Variants in MAN1A2 observed in about 807,000 individuals in gnomAD.
MAN1A2 encodes the protein mannosyl-oligosaccharide 1,2-alpha-mannosidase IB.
MAN1A2 carries 26 observed loss-of-function variants against 75.7 expected under a neutral mutation model. The observed-to-expected ratio is 0.34, with a 90% CI of 0.25 to 0.48. MAN1A2 has a LOEUF of 0.48. Ranked by LOEUF, MAN1A2 falls within the 20% of genes least tolerant of loss-of-function variation. The pLI is 0.99. For synonymous variants in MAN1A2, 247 were observed against 264.6 expected (o/e 0.93, Z 0.65); for missense variants, 562 against 775.5 (o/e 0.72, Z 3.27).
intron 1 of MAN1A2, among the ~76,000 whole-genome samples, chr1:117,379,752 G>A (rs1653270640): frequency 6.6e-6 from 1 of 152,028 alleles, no homozygotes; most frequent in Non-Finnish European, 1.5e-5. Flanking sequence ...TTTTGTCTGG[G>A]TTCTTTCACT....
intron 1 of MAN1A2, among the ~76,000 whole-genome samples, chr1:117,381,643 CAT>C (rs1204771857): frequency 2.0e-5 from 3 of 152,164 alleles, no homozygotes; most frequent in Non-Finnish European, 2.9e-5. Flanking sequence ...CCGCAGTAAA[CAT>C]ATGTGTGCAT....
At chr1:117,376,537 C>T (rs36043260) in intron 1 of MAN1A2, among the ~76,000 whole-genome samples, 2,743 of 152,336 alleles carry the variant, frequency 0.018, 43 homozygotes, top group Non-Finnish European at 0.03. Context: ...TAGTGTTTTT[C>T]CAACTACCTG....
chr1:117,452,544 A>C (rs1036234260), intron 6 of MAN1A2, among the ~76,000 whole-genome samples: 1 of 152,224 alleles, frequency 6.6e-6, no homozygotes, highest in African/African-American at 2.4e-5. Context: ...AGTGGTCTGT[A>C]TAGAAGATGA....
At chr1:117,427,861 T>A (rs1339524500) in intron 5 of MAN1A2, among the ~76,000 whole-genome samples, 1 of 152,164 alleles carries the variant, frequency 6.6e-6, no homozygotes, top group Admixed American at 6.5e-5. Flanking sequence ...ACCATAGCAT[T>A]TTATATTGGG....
intron 8 of MAN1A2, among the ~76,000 whole-genome samples, chr1:117,482,270 C>A (rs762806578): frequency 6.6e-6 from 1 of 151,944 alleles, no homozygotes; most frequent in Admixed American, 6.6e-5. Context: ...AATTCTAGTT[C>A]TAGATCACTG....
intron 12 of MAN1A2, among the ~76,000 whole-genome samples, chr1:117,510,290 G>A (rs1228306639): frequency 2.0e-5 from 3 of 151,982 alleles, no homozygotes; most frequent in African/African-American, 4.8e-5. Flanking sequence ...AATAAGCTGA[G>A]AGAGCGAACT....
chr1:117,519,655 A>G (rs1008543851), intron 12 of MAN1A2, among the ~76,000 whole-genome samples: 3 of 152,030 alleles, frequency 2.0e-5, no homozygotes, highest in Non-Finnish European at 2.9e-5. Context: ...GAACAGACCA[A>G]TAGAGAAGCA....
intron 8 of MAN1A2, among the ~76,000 whole-genome samples, chr1:117,467,951 C>T (rs572317668): frequency 6.6e-6 from 1 of 152,040 alleles, no homozygotes; most frequent in East Asian, 1.9e-4. Flanking sequence ...AATATATAAT[C>T]AGGAAAGCCT....
At chr1:117,379,966 G>A (rs1183291525) in intron 1 of MAN1A2, among the ~76,000 whole-genome samples, 2 of 151,994 alleles carry the variant, frequency 1.3e-5, no homozygotes, top group African/African-American at 4.8e-5. Flanking sequence ...GCCTATATTC[G>A]TTTTGAGTAC....
intron 1 of MAN1A2, among the ~76,000 whole-genome samples, chr1:117,381,013 T>G (rs1653316675): frequency 6.6e-6 from 1 of 152,184 alleles, no homozygotes; most frequent in African/African-American, 2.4e-5. Context: ...CTTCCCATTT[T>G]TGAGGTCTTC....
chr1:117,519,149 G>A (rs960660583), intron 12 of MAN1A2, among the ~76,000 whole-genome samples: 2 of 151,988 alleles, frequency 1.3e-5, no homozygotes, highest in African/African-American at 4.8e-5. Context: ...CAGCAGTAGT[G>A]ACACAACCTA....
intron 8 of MAN1A2, among the ~76,000 whole-genome samples, chr1:117,467,768 C>A (rs879580155): frequency 6.6e-6 from 1 of 151,842 alleles, no homozygotes; most frequent in Admixed American, 6.6e-5. Flanking sequence ...TAAATCTTTA[C>A]CCCTGTGAGT....
intron 5 of MAN1A2, among the ~76,000 whole-genome samples, chr1:117,433,126 A>G (rs1413978930): frequency 2.0e-5 from 3 of 151,980 alleles, no homozygotes; most frequent in Non-Finnish European, 4.4e-5. Context: ...ACACCCATTC[A>G]TGATTAAAAT....
chr1:117,489,490 G>T (rs1198486145), intron 8 of MAN1A2, among the ~76,000 whole-genome samples: 2 of 151,794 alleles, frequency 1.3e-5, no homozygotes, highest in African/African-American at 4.8e-5. Flanking sequence ...TTCTTTTTTT[G>T]TTGTGTGTAC....
chr1:117,451,321 C>T (rs1010792807), intron 6 of MAN1A2, among the ~76,000 whole-genome samples: 1 of 152,250 alleles, frequency 6.6e-6, no homozygotes, highest in African/African-American at 2.4e-5. Flanking sequence ...AATGCCTGTA[C>T]ACCCATTGTA....
intron 6 of MAN1A2, among the ~76,000 whole-genome samples, chr1:117,455,776 G>A (rs1305464131): frequency 6.6e-6 from 1 of 151,896 alleles, no homozygotes; most frequent in East Asian, 1.9e-4. Flanking sequence ...AGAGGTAGAG[G>A]GCTTAGAGAG....
At chr1:117,385,405 A>C (rs898948980) in intron 1 of MAN1A2, among the ~76,000 whole-genome samples, 6 of 152,184 alleles carry the variant, frequency 3.9e-5, no homozygotes, top group African/African-American at 1.2e-4. Flanking sequence ...AGTGCCTTCT[A>C]TCTGAATGTG....
intron 1 of MAN1A2, among the ~76,000 whole-genome samples, chr1:117,371,934 C>A (rs750824960): frequency 1.8e-4 from 28 of 151,666 alleles, no homozygotes; most frequent in Non-Finnish European, 3.2e-4. Context: ...CGGGGGCGGG[C>A]ATGTGCCACT....
intron 7 of MAN1A2, among the ~76,000 whole-genome samples, chr1:117,465,361 G>T (rs1649950754): frequency 6.6e-6 from 1 of 152,108 alleles, no homozygotes; most frequent in Non-Finnish European, 1.5e-5. Context: ...GTGGTCTATG[G>T]AATTTTTCAG....
Sources: allele counts gnomAD v4.1 joint callset (sites outside exome capture counted in the v4.1 genomes callset), GRCh38; gene constraint gnomAD v4.1.1; transcripts MANE v1.5; gene names NCBI Gene and HGNC (gene_info 2026-07-23, HGNC 2026-07-21).